FAT2: variants seen among roughly 807,000 people sequenced by gnomAD.
FAT2 encodes the protein FAT atypical cadherin 2.
In FAT2, 150 loss-of-function variants were observed where a neutral mutation model predicts 295.3. The ratio of observed to expected loss-of-function variants is 0.51; its 90% CI spans 0.44 to 0.58. The LOEUF is 0.58. Among genes scored for constraint, FAT2 ranks in the 20% least tolerant of loss-of-function variants. The probability of loss-of-function intolerance (pLI) is 0.00; values close to 1 mark genes in which losing one functional copy is unlikely to be tolerated. For missense variants in FAT2, 4,868 were observed against 5,442.7 expected, an observed-to-expected ratio of 0.89 and a Z score of 3.32; for synonymous variants, 2,026 against 2,150.3, an observed-to-expected ratio of 0.94 and a Z score of 1.60.
chr5:151,571,188 C>A (rs549093342), intron 1 of FAT2, among the ~76,000 whole-genome samples: 1 of 151,922 alleles, frequency 6.6e-6, no homozygotes, highest in South Asian at 2.1e-4. Context: ...ATAGTGGGGC[C>A]AGCCCCAGGC....
intron 4 of FAT2, among the ~76,000 whole-genome samples, chr5:151,555,260 C>T (rs1757577443): frequency 1.3e-5 from 2 of 152,126 alleles, no homozygotes; most frequent in African/African-American, 2.4e-5. Context: ...TTTTAAAAAA[C>T]ACTTTGGTGT....
rs1759395097 is a variant in FAT2 at position 151,591,277 on chromosome 5, A to G, written c.-133T>C. Among the ~76,000 whole-genome samples, 1 of 152,208 alleles carries G rather than the reference A, an allele frequency of 6.6e-6. No homozygotes were observed. On this transcript the variant is annotated 5_prime_UTR_variant, in exon 1 of 24. Coordinates refer to ENST00000261800, the MANE Select transcript of FAT2 (RefSeq NM_001447.3). ...GGGAGGTGCAGAGACTCGGAGCAGG[A>G]AGGCGCGCAGCCCGCAGCCGGAGAG...
chr5:151,541,282 C>T (rs1316539365), intron 10 of FAT2, among the ~76,000 whole-genome samples: 1 of 152,216 alleles, frequency 6.6e-6, no homozygotes, highest in Non-Finnish European at 1.5e-5. Context: ...ATGGATTTCT[C>T]ACTCTGAGAT....
At position 151,546,157 on chromosome 5, in the gene FAT2, G is replaced by C. The variant is rs140606232; in HGVS notation, c.4970C>G (p.Ala1657Gly). Reference sequence around the variant, plus strand: ...GTACTCAGATTTTGAAAAGATGGGGGCACTCCTATCTGAGGGATAGACATG... The same window carrying C: ...GTACTCAGATTTTGAAAAGATGGGGCCACTCCTATCTGAGGGATAGACATG... ...IIHVYPSDRSAPIFSKSEYFV... is the reference protein window; with the variant it reads ...IIHVYPSDRSGPIFSKSEYFV... The change falls in exon 10 of 24, where the codon GCC becomes GGC. Residue 1657 changes from alanine to glycine, a missense_variant. Transcript: ENST00000261800. 4 of 1,613,986 alleles carry C rather than the reference G, an allele frequency of 2.5e-6. No homozygotes were observed. Among genetic ancestry groups the C allele is most frequent in the Non-Finnish European group, 3.4e-6 (4 of 1,180,022 alleles).
chr5:151,565,102 G>C (rs2127643768), intron 2 of FAT2, among the ~76,000 whole-genome samples: 1 of 152,196 alleles, frequency 6.6e-6, no homozygotes, highest in East Asian at 1.9e-4. Context: ...TTTTTCTGTA[G>C]AGACCCAGGC....
intron 16 of FAT2, 125 bp from the exon 17 acceptor site, chr5:151,527,502 G>T: frequency 1.2e-6 from 1 of 864,482 alleles, no homozygotes; most frequent in Non-Finnish European, 1.7e-6. Context: ...CACCCCCACT[G>T]CCCACCCGTA....
In FAT2 at chr5:151,525,969, A is replaced by G. The variant is rs774874122; in HGVS notation, c.10309-4T>C. Reference sequence around the variant, plus strand: ...TGCTGCCAATGGGGGAGTTCTCCTGAGACCGAGAGTGACAAAGAAGGCAAA... The same window carrying G: ...TGCTGCCAATGGGGGAGTTCTCCTGGGACCGAGAGTGACAAAGAAGGCAAA... On this transcript the variant is annotated splice_region_variant and splice_polypyrimidine_tract_variant and intron_variant, in intron 17 of 23. Coordinates refer to ENST00000261800, the MANE Select transcript of FAT2 (RefSeq NM_001447.3). 2.5e-6 allele frequency: 4 copies of G among 1,613,866 alleles called. No individual in the cohort carries two copies. In the South Asian group the frequency reaches 4.4e-5, roughly 18 times the overall value.
Position 151,507,508 on chromosome 5 carries a change from C to T in FAT2, c.12163G>A (p.Ala4055Thr), listed in dbSNP as rs201517523. The change falls in exon 23 of 24, where the codon GCC becomes ACC. Residue 4055 changes from alanine to threonine, a missense_variant. Physicochemically the swap from Ala to Thr is moderately conservative, Grantham distance 58. Transcript: ENST00000261800. ...GTGCTTATGATAATGAACGCCACGGCCACTGTGATGATCAGTAACTCCTGC... is the reference window on the plus strand; with the variant it reads ...GTGCTTATGATAATGAACGCCACGGTCACTGTGATGATCAGTAACTCCTGC... ...GQQELLIITVAVAFIIISTVG... is the reference protein window; with the variant it reads ...GQQELLIITVTVAFIIISTVG... The T allele has an allele frequency of 7.3e-5, 118 of 1,614,004 alleles. No individual in the cohort carries two copies. Among genetic ancestry groups the T allele is most frequent in the Non-Finnish European group, 8.8e-5 (104 of 1,180,026 alleles).
chr5:151,534,759 G>C (rs954566830), intron 12 of FAT2, 117 bp from the exon 13 acceptor site: 1 of 804,454 alleles, frequency 1.2e-6, no homozygotes, highest in Non-Finnish European at 2.0e-6. Context: ...TCACAGCAAG[G>C]AGGGGTCAAT....
chr5:151,534,023 TG>T (rs1754967621), intron 13 of FAT2, among the ~76,000 whole-genome samples: 1 of 152,162 alleles, frequency 6.6e-6, no homozygotes, highest in Non-Finnish European at 1.5e-5. Context: ...ATGGGCTTAC[TG>T]GGGTTGGTAC....
chr5:151,521,519 T>C lies in FAT2; in HGVS notation c.11074A>G (p.Thr3692Ala). The change falls in exon 19 of 24, where the codon ACC becomes GCC. Residue 3692 changes from threonine to alanine, a missense_variant. Physicochemically the swap from Thr to Ala is moderately conservative, Grantham distance 58 (BLOSUM62 0). Coordinates refer to ENST00000261800, the MANE Select transcript of FAT2 (RefSeq NM_001447.3). ...VLLVFEGHSGTFYEFQELASI... is the reference protein window; with the variant it reads ...VLLVFEGHSGAFYEFQELASI... ...GCTAGCTCCTGAAACTCGTAGAAGG[T>C]TCCAGAATGCCCCTCAAAGACCAGG... 6.2e-7 allele frequency: 1 copy of C among 1,614,172 alleles called. No homozygotes were observed. The highest frequency in any genetic ancestry group is 8.5e-7 in the Non-Finnish European group (1 of 1,180,024).
chr5:151,535,715 G>A (rs1003496295), intron 12 of FAT2, among the ~76,000 whole-genome samples: 11 of 152,218 alleles, frequency 7.2e-5, no homozygotes, highest in African/African-American at 2.7e-4. Flanking sequence ...CTGGAGGCCT[G>A]GACTTGCAAC....
Position 151,542,998 on chromosome 5 carries a change from A to G in FAT2, c.8129T>C (p.Ile2710Thr), listed in dbSNP as rs1756300360. The change falls in exon 10 of 24, where the codon ATT (isoleucine) becomes ACT (threonine). Residue 2710 changes from isoleucine (I) to threonine (T), a missense_variant. This residue lies in a region of FAT2 where 3,297 missense variants were observed against 3,669.4 expected (regional missense o/e 0.90). Coordinates refer to ENST00000261800, the MANE Select transcript of FAT2 (RefSeq NM_001447.3). ...APEDLPEGSE[I>T]GIVKAVAAQD... ...AGCTGCCACTGCTTTAACAATCCCA[A>G]TTTCAGACCCCTCTGGAAGGTCTTC... is the stretch of plus-strand genomic sequence containing the variant. 2 of 1,614,142 alleles carry G rather than the reference A, an allele frequency of 1.2e-6. No homozygotes were observed. The highest frequency in any genetic ancestry group is 1.7e-6 in the Non-Finnish European group (2 of 1,180,026).
intron 11 of FAT2, 49 bp from the exon 12 acceptor site, chr5:151,537,995 G>A (rs1194646830): frequency 1.3e-6 from 2 of 1,560,386 alleles, no homozygotes; most frequent in South Asian, 2.4e-5. Context: ...ACTGCATTCA[G>A]ATCCAGAGAG....
intron 17 of FAT2, among the ~76,000 whole-genome samples, chr5:151,526,424 A>T (rs1274874611): frequency 6.6e-6 from 1 of 152,240 alleles, no homozygotes; most frequent in African/African-American, 2.4e-5. Context: ...CTTAAAGATG[A>T]CTAGGAATTT....
intron 9 of FAT2, among the ~76,000 whole-genome samples, chr5:151,547,748 A>G (rs1756780461): frequency 6.6e-6 from 1 of 152,234 alleles, no homozygotes; most frequent in South Asian, 2.1e-4. Context: ...ATTATATAAT[A>G]TCACACTGCT....
In FAT2 at chr5:151,542,712, G is replaced by T. The variant is rs375082608; in HGVS notation, c.8415C>A (p.Val2805=). The part of the protein sequence containing the change: ...PVFEADPYKA[V]LTENMPVGTS... ...TCCCCACTGGCATATTCTCAGTGAG[G>T]ACAGCCTTATATGGATCAGCCTCAA... The change falls in exon 10 of 24, where the codon GTC becomes GTA. Residue 2805 remains valine (V), a synonymous_variant. Coordinates refer to ENST00000261800, the MANE Select transcript of FAT2 (RefSeq NM_001447.3). 3 of 1,614,122 alleles carry T rather than the reference G, an allele frequency of 1.9e-6. No individual in the cohort carries two copies.
Position 151,563,524 on chromosome 5 carries a change from G to A in FAT2, c.3375C>T (p.Ile1125=), listed in dbSNP as rs2304054. ...GGTTGTCATTGGCATCCGTAACCTC[G>A]ATGTAGACTTCAGTTACAGAAGAGA... is the stretch of plus-strand genomic sequence containing the variant. ...VPLSSVTEVY[I]EVTDANDNPP... Residue 1125 remains isoleucine, a synonymous_variant, in exon 3 of 24, where the codon ATC becomes ATT. Coordinates refer to ENST00000261800, the MANE Select transcript of FAT2 (RefSeq NM_001447.3). The A allele has an allele frequency of 0.5, 810,711 of 1,613,604 alleles. 207,161 individuals carry two copies. Among genetic ancestry groups the A allele is most frequent in the Non-Finnish European group, 0.53 (623,716 of 1,179,752 alleles).
At chr5:151,578,404 G>A (rs748104952) in intron 1 of FAT2, among the ~76,000 whole-genome samples, 4 of 152,146 alleles carry the variant, frequency 2.6e-5, no homozygotes, top group Non-Finnish European at 5.9e-5. Flanking sequence ...ACCTTTGAAA[G>A]GGAGATACTT....
Sources: allele counts gnomAD v4.1 joint callset (sites outside exome capture counted in the v4.1 genomes callset), GRCh38; gene constraint gnomAD v4.1.1; regional missense constraint gnomAD v4.1.1; transcripts MANE v1.5; gene names NCBI Gene and HGNC (gene_info 2026-07-23, HGNC 2026-07-21).